Variants in CDH23 observed in about 807,000 individuals in gnomAD.
CDH23 encodes the protein cadherin related 23, also known as cadherin-23.
In CDH23, 189 loss-of-function variants were observed where a neutral mutation model predicts 317.1. The ratio of observed to expected loss-of-function variants is 0.60; its 90% CI spans 0.53 to 0.67. The LOEUF is 0.67. Ranked by LOEUF, CDH23 falls within the 30% of genes least tolerant of loss-of-function variation. The pLI, the probability that CDH23 is intolerant of heterozygous loss-of-function variation, is 0.00. For synonymous variants in CDH23, 1,839 were observed against 1,876.8 expected, an observed-to-expected ratio of 0.98 and a Z score of 0.52; for missense variants, 4,401 against 4,592.4, an observed-to-expected ratio of 0.96 and a Z score of 1.20.
At chr10:71,494,146 G>A (rs760221248) in intron 3 of CDH23, among the ~76,000 whole-genome samples, 2 of 152,094 alleles carry the variant, frequency 1.3e-5, no homozygotes, top group African/African-American at 4.8e-5. Context: ...ACCATAAATC[G>A]CAAGCAGCAA....
chr10:71,598,135 G>A (rs1005564034), intron 9 of CDH23, among the ~76,000 whole-genome samples: 7 of 152,346 alleles, frequency 4.6e-5, no homozygotes, highest in East Asian at 3.9e-4. Context: ...GTCATCTTCC[G>A]ACGGGAGCCT....
At chr10:71,803,121 G>C (rs768374279) in intron 54 of CDH23, 46 bp downstream of exon 54, 5 of 1,600,742 alleles carry the variant, frequency 3.1e-6, no homozygotes, top group Non-Finnish European at 2.6e-6. Flanking sequence ...GGGGGTGGGA[G>C]GGGGAGGCCT....
At chr10:71,688,795 GGGTGGTGGAGCCAAC>G (rs1297667571) in intron 19 of CDH23, among the ~76,000 whole-genome samples, 2,034 of 107,314 alleles carry the variant, frequency 0.019, 343 homozygotes, top group Non-Finnish European at 0.034. Context: ...GTGGAGTCAG[GGGTGGTGGAGCCAAC>G]GGTGGTGGAG....
intron 8 of CDH23, among the ~76,000 whole-genome samples, chr10:71,575,951 A>T (rs1858161989): frequency 6.6e-6 from 1 of 152,226 alleles, no homozygotes; most frequent in African/African-American, 2.4e-5. Context: ...ATGAAACCCC[A>T]AACTTTGCCA....
At chr10:71,761,711 A>G in intron 38 of CDH23, 1 of 1,614,032 alleles carries the variant, frequency 6.2e-7, no homozygotes, top group Non-Finnish European at 8.5e-7. Context: ...CAGGTTGCGC[A>G]TGGTGATGGA....
rs753639716 is a variant in CDH23, at chr10:71,777,869, A to G, written c.5035A>G (p.Ile1679Val). 25 of 1,613,806 alleles carry G rather than the reference A, an allele frequency of 1.5e-5. No individual in the cohort carries two copies. The highest frequency in any genetic ancestry group is 2.0e-5 in the Non-Finnish European group (24 of 1,179,902). ...TVTYAIVAGNIVNTFRIDRHM... is the reference protein window; with the variant it reads ...TVTYAIVAGNVVNTFRIDRHM... Reference sequence around the variant, plus strand: ...CACCTATGCCATCGTCGCAGGCAACATCGTCAACACCTTCCGCATCGACAG... The same window carrying G: ...CACCTATGCCATCGTCGCAGGCAACGTCGTCAACACCTTCCGCATCGACAG... The change falls in exon 39 of 70, where the codon ATC (isoleucine) becomes GTC (valine). Residue 1679 changes from isoleucine (I) to valine (V), a missense_variant. Physicochemically the swap from Ile to Val is conservative, Grantham distance 29 (BLOSUM62 3). Around this residue, in one of 3 missense-constraint regions of CDH23, gnomAD observed 3,068 missense variants for 3,203.3 expected, o/e 0.96. Coordinates refer to ENST00000224721, the MANE Select transcript of CDH23 (RefSeq NM_022124.6).
chr10:71,616,593 C>T (rs1184558340), intron 10 of CDH23, among the ~76,000 whole-genome samples: 2 of 152,184 alleles, frequency 1.3e-5, no homozygotes, highest in Admixed American at 6.5e-5. Context: ...GAACCCGAAT[C>T]CCCTGGAAAG....
chr10:71,529,218 G>A (rs757493696), intron 6 of CDH23, among the ~76,000 whole-genome samples: 1 of 152,166 alleles, frequency 6.6e-6, no homozygotes, highest in Non-Finnish European at 1.5e-5. Context: ...CTGGTCCTCC[G>A]ACCTCACTTT....
rs1373077645 is a variant in CDH23 at position 71,779,297 on chromosome 10, A to C, written c.5218A>C (p.Asn1740His). 1 of 1,613,972 alleles carries C rather than the reference A, an allele frequency of 6.2e-7. No homozygotes were observed. The highest frequency in any genetic ancestry group is 1.7e-5 in the Admixed American group (1 of 60,018). ...TGTGAATGTGAATGACATCAACGAC[A>C]ATGTGCCTACCTTCCCCCGGGACTA... The part of the protein sequence containing the change: ...VLVNVNDIND[N>H]VPTFPRDYEG... The change falls in exon 41 of 70, where the codon AAT becomes CAT. Residue 1740 changes from asparagine (N) to histidine (H), a missense_variant. Physicochemically the swap from Asn to His is moderately conservative, Grantham distance 68. Transcript: ENST00000224721.
At chr10:71,566,136 C>T (rs558486361) in intron 6 of CDH23, among the ~76,000 whole-genome samples, 3 of 152,246 alleles carry the variant, frequency 2.0e-5, no homozygotes, top group South Asian at 4.1e-4. Flanking sequence ...AGGAGAGGGG[C>T]GCCCTGCATC....
intron 18 of CDH23, among the ~76,000 whole-genome samples, chr10:71,685,951 G>A (rs556405254): frequency 3.3e-4 from 50 of 152,252 alleles, no homozygotes; most frequent in Middle Eastern, 6.8e-3. Context: ...TGAAGTTGTT[G>A]ATGGCAGCAT....
intron 11 of CDH23, among the ~76,000 whole-genome samples, chr10:71,624,694 TG>T (rs1324730954): frequency 6.6e-6 from 1 of 151,978 alleles, no homozygotes; most frequent in African/African-American, 2.4e-5. Context: ...AGAGAGAACC[TG>T]TCTCTAAAAG....
chr10:71,745,523 C>T (rs1432953080), intron 38 of CDH23, among the ~76,000 whole-genome samples: 1 of 152,198 alleles, frequency 6.6e-6, no homozygotes, highest in African/African-American at 2.4e-5. Flanking sequence ...CCCTCTACTG[C>T]CTCCATGCCT....
At chr10:71,426,561 CAGGG>C (rs1349164033) in intron 1 of CDH23, among the ~76,000 whole-genome samples, 1 of 151,924 alleles carries the variant, frequency 6.6e-6, no homozygotes, top group Non-Finnish European at 1.5e-5. Context: ...AGGTGGGGCC[CAGGG>C]AGGCAAGTGG....
At chr10:71,706,214 T>C (rs1284605519) in intron 25 of CDH23, among the ~76,000 whole-genome samples, 6 of 152,154 alleles carry the variant, frequency 3.9e-5, no homozygotes, top group Non-Finnish European at 7.3e-5. Context: ...CCAAGCCCCA[T>C]CTGCCTGAGG....
intron 34 of CDH23, 68 bp from the exon 35 acceptor site, chr10:71,738,430 T>A (rs1262391317): frequency 3.1e-6 from 5 of 1,597,790 alleles, no homozygotes; most frequent in East Asian, 4.5e-5. Context: ...GGACCCACGG[T>A]GGGACCCAGG....
At chr10:71,801,465 C>T (rs1050459323) in intron 53 of CDH23, among the ~76,000 whole-genome samples, 2 of 152,142 alleles carry the variant, frequency 1.3e-5, no homozygotes, top group East Asian at 3.9e-4. Context: ...ATTTATGTCT[C>T]TTAAAGAATA....
chr10:71,680,609 G>T (rs1332540995), intron 17 of CDH23, among the ~76,000 whole-genome samples: 1 of 151,728 alleles, frequency 6.6e-6, no homozygotes, highest in African/African-American at 2.4e-5. Flanking sequence ...TTGGCCAGGC[G>T]TGGTGGTGTG....
chr10:71,400,343 G>A (rs892411657), intron 1 of CDH23, among the ~76,000 whole-genome samples: 1 of 151,684 alleles, frequency 6.6e-6, no homozygotes, highest in Non-Finnish European at 1.5e-5. Flanking sequence ...TGCCCAAAGA[G>A]GCAGTCCTTC....
Sources: allele counts gnomAD v4.1 joint callset (sites outside exome capture counted in the v4.1 genomes callset), GRCh38; gene constraint gnomAD v4.1.1; regional missense constraint gnomAD v4.1.1; transcripts MANE v1.5; gene names NCBI Gene and HGNC (gene_info 2026-07-23, HGNC 2026-07-21).